The following CDC40 variants were observed in gnomAD, a reference collection of about 807,000 sequenced individuals.
The protein encoded by CDC40 is pre-mRNA-processing factor 17.
In CDC40, 27 loss-of-function variants were observed where a neutral mutation model predicts 80.6. The ratio of observed to expected loss-of-function variants is 0.33; its 90% CI spans 0.25 to 0.46. The LOEUF (loss-of-function observed/expected upper bound fraction) is 0.46. Among genes scored for constraint, CDC40 ranks in the 20% least tolerant of loss-of-function variants. The pLI, the probability that CDC40 is intolerant of heterozygous loss-of-function variation, is 1.00. For synonymous variants in CDC40, 221 were observed against 232.6 expected (o/e 0.95, Z 0.45); for missense variants, 486 against 694.1 (o/e 0.70, Z 3.37).
At position 110,217,784 on chromosome 6, in the gene CDC40, G is replaced by A. The variant is rs1777719019; in HGVS notation, c.1071G>A (p.Lys357=). The change falls in exon 10 of 15, where the codon AAG becomes AAA. Residue 357 remains lysine (K), a synonymous_variant. Coordinates refer to ENST00000307731, the MANE Select transcript of CDC40 (RefSeq NM_015891.3). ...FLSAAYDRYL[K]LWDTETGQCI... is the part of the protein sequence containing the mutation. ...GTGCAGCCTATGACAGGTATCTTAA[G>A]CTCTGGGACACTGAGACAGGTAAGA... 1 of 1,571,074 alleles carries A rather than the reference G, an allele frequency of 6.4e-7. No homozygotes were observed. Among genetic ancestry groups the A allele is most frequent in the Admixed American group, 1.7e-5 (1 of 59,908 alleles).
chr6:110,228,725 T>C (rs918031292), intron 13 of CDC40, 107 bp from the exon 14 acceptor site: 23 of 796,530 alleles, frequency 2.9e-5, no homozygotes, highest in Non-Finnish European at 4.2e-5. Flanking sequence ...TATTATAAAG[T>C]ATTTGGGAGC....
At chr6:110,209,019 C>G (rs1458468793) in intron 4 of CDC40, 65 bp from the exon 5 acceptor site, 48 of 993,226 alleles carry the variant, frequency 4.8e-5, no homozygotes. Flanking sequence ...GTTCATATTT[C>G]TTTAGAAAAT....
Position 110,187,671 on chromosome 6 carries a change from T to G in CDC40, c.190-5511T>G, listed in dbSNP as rs75023183. Among the ~76,000 whole-genome samples, 60 of 152,322 alleles carry G rather than the reference T, an allele frequency of 3.9e-4. No individual in the cohort carries two copies. The East Asian group carries it at 0.011, about 27-fold the overall frequency. On this transcript the variant is annotated intron_variant, in intron 1 of 14. Coordinates refer to ENST00000307731, the MANE Select transcript of CDC40 (RefSeq NM_015891.3). ...TAATATTTGTGATCTGCTTTACAGTTTACATGGTGTTTTTATGTCTCTTTT... is the reference window on the plus strand; with the variant it reads ...TAATATTTGTGATCTGCTTTACAGTGTACATGGTGTTTTTATGTCTCTTTT...
intron 12 of CDC40, among the ~76,000 whole-genome samples, chr6:110,222,076 T>TG (rs146836646): frequency 0.065 from 9,879 of 151,950 alleles, 431 homozygotes; most frequent in African/African-American, 0.14. Flanking sequence ...GGCAACATTG[T>TG]AAAACCCCAT....
chr6:110,215,876 A>T (rs552782776), intron 9 of CDC40, among the ~76,000 whole-genome samples: 1 of 152,166 alleles, frequency 6.6e-6, no homozygotes, highest in Admixed American at 6.5e-5. Flanking sequence ...CAGAGAGAGA[A>T]AAGAAAGGAA....
chr6:110,210,552 G>GAA (rs57785109), intron 5 of CDC40, among the ~76,000 whole-genome samples, 155 bp from the exon 6 acceptor site: 6,144 of 64,236 alleles, frequency 0.096, 335 homozygotes, highest in East Asian at 0.19. Context: ...ACTCATCTCA[G>GAA]AAAAAAAAAA....
In CDC40 at chr6:110,223,858, A is replaced by G. The variant is rs1777813243; in HGVS notation, c.1341-2309A>G. On this transcript the variant is annotated intron_variant, in intron 12 of 14. Coordinates refer to ENST00000307731, the MANE Select transcript of CDC40 (RefSeq NM_015891.3). ...TTTTGTTTTGTTTTGTTTGAGACAG[A>G]GTCTCGCTCTGTCACCCAGGCTGGA... Among the ~76,000 whole-genome samples, 3 of 127,804 alleles carry G rather than the reference A, an allele frequency of 2.3e-5. No individual in the cohort carries two copies. In the South Asian group the frequency reaches 7.7e-4, roughly 33 times the overall value. The allele number at this position is 127,804 out of a possible 152,430, so 83.8% of individuals were successfully genotyped here.
At chr6:110,217,826 A>G in intron 10 of CDC40, 23 bp downstream of exon 10, 3 of 1,128,032 alleles carry the variant, frequency 2.7e-6, no homozygotes, top group South Asian at 1.2e-5. Flanking sequence ...TTATGCTAAT[A>G]CACATTCATC....
At position 110,201,574 on chromosome 6, in the gene CDC40, C is replaced by A; in HGVS notation, c.293C>A (p.Pro98His). The change falls in exon 3 of 15, where the codon CCC becomes CAC. Residue 98 changes from proline to histidine, a missense_variant. Coordinates refer to ENST00000307731, the MANE Select transcript of CDC40 (RefSeq NM_015891.3). ...MFAPEFGPEN[P>H]FRTQQMAAPR... ...ACATTGCAGTTTGGACCAGAAAATC[C>A]CTTTAGGACACAGCAAATGGCTGCC... 6.3e-7 allele frequency: 1 copy of A among 1,599,254 alleles called. No homozygotes were observed. The highest frequency in any genetic ancestry group is 1.1e-5 in the South Asian group (1 of 88,024).
chr6:110,183,377 C>G (rs1461095256), intron 1 of CDC40, among the ~76,000 whole-genome samples: 1 of 152,122 alleles, frequency 6.6e-6, no homozygotes, highest in Non-Finnish European at 1.5e-5. Flanking sequence ...CATTAAGAAT[C>G]AGAATTTTAG....
intron 1 of CDC40, among the ~76,000 whole-genome samples, chr6:110,183,370 T>G (rs541390346): frequency 2.9e-4 from 44 of 152,304 alleles, no homozygotes; most frequent in Admixed American, 9.1e-4. Flanking sequence ...GTATGCACAT[T>G]AAGAATCAGA....
intron 2 of CDC40, among the ~76,000 whole-genome samples, 194 bp downstream of exon 2, chr6:110,193,462 T>G (rs1026252679): frequency 4.6e-5 from 7 of 152,096 alleles, no homozygotes; most frequent in African/African-American, 1.7e-4. Context: ...TGGAGTGCAG[T>G]GGCGCAATCT....
At chr6:110,227,207 T>A (rs907541661) in intron 13 of CDC40, among the ~76,000 whole-genome samples, 1 of 152,216 alleles carries the variant, frequency 6.6e-6, no homozygotes, top group Non-Finnish European at 1.5e-5. Flanking sequence ...GCTACAGATA[T>A]ACTGACAATA....
chr6:110,208,782 G>C (rs1777595359), intron 4 of CDC40, among the ~76,000 whole-genome samples: 1 of 152,114 alleles, frequency 6.6e-6, no homozygotes, highest in African/African-American at 2.4e-5. Flanking sequence ...TAAAAGGCTT[G>C]TGCGCCATTG....
intron 13 of CDC40, among the ~76,000 whole-genome samples, chr6:110,227,363 G>A (rs11759054): frequency 2.5e-3 from 386 of 152,276 alleles, no homozygotes; most frequent in Non-Finnish European, 4.4e-3. Context: ...CAGGGCCTCT[G>A]ACACAAGCAA....
rs780290253 is a variant in CDC40, at chr6:110,209,087, T to C, written c.494T>C (p.Leu165Ser). Residue 165 changes from leucine (L) to serine (S), a missense_variant, in exon 5 of 15, where the codon TTA becomes TCA. Physicochemically the swap from Leu to Ser is moderately radical, Grantham distance 145. Transcript: ENST00000307731. ...SVEEAEKNQG[L>S]TVFETGQKKT... Reference sequence around the variant, plus strand: ...AATTTTTTTTTTGTTAACGTAGGTTTAACTGTATTTGAAACTGGTCAGAAG... The same window carrying C: ...AATTTTTTTTTTGTTAACGTAGGTTCAACTGTATTTGAAACTGGTCAGAAG... The C allele has an allele frequency of 2.6e-6, 4 of 1,553,426 alleles. No individual in the cohort carries two copies. The highest frequency in any genetic ancestry group is 3.5e-6 in the Non-Finnish European group (4 of 1,129,934).
Position 110,201,670 on chromosome 6 carries a change from G to T in CDC40, c.389G>T (p.Arg130Ile). 1.2e-6 allele frequency: 2 copies of T among 1,613,408 alleles called. No individual in the cohort carries two copies. Among genetic ancestry groups the T allele is most frequent in the South Asian group, 2.2e-5 (2 of 90,954 alleles). Residue 130 changes from arginine (R) to isoleucine (I), a missense_variant, in exon 3 of 15, where the codon AGA (arginine) becomes ATA (isoleucine). Coordinates refer to ENST00000307731, the MANE Select transcript of CDC40 (RefSeq NM_015891.3). ...INDFMFEQQR[R>I]TFATYGYALD... Reference sequence around the variant, plus strand: ...GATTTCATGTTTGAGCAGCAAAGGAGAACTTTTGCAACATATGGTAAGGTG... The same window carrying T: ...GATTTCATGTTTGAGCAGCAAAGGATAACTTTTGCAACATATGGTAAGGTG...
chr6:110,205,921 C>T (rs1322164655), intron 3 of CDC40, among the ~76,000 whole-genome samples: 1 of 152,048 alleles, frequency 6.6e-6, no homozygotes, highest in Non-Finnish European at 1.5e-5. Flanking sequence ...GATTCTACTC[C>T]AAAGGCTGAT....
intron 13 of CDC40, among the ~76,000 whole-genome samples, chr6:110,226,773 T>C (rs1218904909): frequency 6.6e-6 from 1 of 152,120 alleles, no homozygotes; most frequent in Non-Finnish European, 1.5e-5. Flanking sequence ...CATTTAATAA[T>C]GATTTGGCCA....
Sources: allele counts gnomAD v4.1 joint callset (sites outside exome capture counted in the v4.1 genomes callset), GRCh38; gene constraint gnomAD v4.1.1; transcripts MANE v1.5; gene names NCBI Gene and HGNC (gene_info 2026-07-23, HGNC 2026-07-21).